CTNNA2: variants seen among roughly 807,000 people sequenced by gnomAD.
CTNNA2 encodes the protein catenin alpha-2.
In CTNNA2, 42 loss-of-function variants were observed where a neutral mutation model predicts 101.0. The observed-to-expected ratio is 0.42, with a 90% CI of 0.32 to 0.54. CTNNA2 has a LOEUF of 0.54. Among genes scored for constraint, CTNNA2 ranks in the 20% least tolerant of loss-of-function variants. The pLI is 0.14. For missense variants in CTNNA2, 871 were observed against 1,223.1 expected (o/e 0.71, Z 4.29); for synonymous variants, 450 against 456.4 (o/e 0.99, Z 0.18).
chr2:79,683,515 G>T (rs573026354), intron 2 of CTNNA2, among the ~76,000 whole-genome samples: 40 of 152,304 alleles, frequency 2.6e-4, no homozygotes, highest in Admixed American at 2.0e-3. Flanking sequence ...TGTTGAGTAT[G>T]ACTGTTCTCC....
At chr2:80,184,574 A>T (rs1353966406) in intron 7 of CTNNA2, among the ~76,000 whole-genome samples, 1 of 152,112 alleles carries the variant, frequency 6.6e-6, no homozygotes, top group East Asian at 1.9e-4. Flanking sequence ...CAAGACTTAA[A>T]CTGGTCTGAA....
intron 3 of CTNNA2, among the ~76,000 whole-genome samples, chr2:79,745,469 A>C (rs1330455604): frequency 1.3e-5 from 2 of 152,048 alleles, no homozygotes; most frequent in African/African-American, 4.8e-5. Flanking sequence ...AAAAGTCTTA[A>C]CTACTTGTAA....
At chr2:80,584,023 T>G (rs569378167) in intron 14 of CTNNA2, among the ~76,000 whole-genome samples, 65 of 152,284 alleles carry the variant, frequency 4.3e-4, no homozygotes, top group Admixed American at 2.2e-3. Flanking sequence ...TATTTTAGCC[T>G]GTAATTATAT....
chr2:79,887,792 T>TTCA (rs1169244132), intron 6 of CTNNA2, among the ~76,000 whole-genome samples: 1 of 152,204 alleles, frequency 6.6e-6, no homozygotes, highest in African/African-American at 2.4e-5. Context: ...TCCTCACCTG[T>TTCA]TCATCGTATC....
At position 79,848,436 on chromosome 2, in the gene CTNNA2, TGC is replaced by T. The variant is rs1425450853; in HGVS notation, c.299-9576_299-9575del. Among the ~76,000 whole-genome samples, 212 of 152,336 alleles carry T rather than the reference TGC, an allele frequency of 1.4e-3. 1 individual carries two copies. The highest frequency in any genetic ancestry group is 4.9e-3 in the African/African-American group (202 of 41,584). ...TCACCTTTTTATGGAATGTGGCTAT[TGC>T]TACATTTAACAGGTCTTTGCAAGGT... is the stretch of plus-strand genomic sequence containing the variant. On this transcript the variant is annotated intron_variant, in intron 3 of 18. Transcript: ENST00000402739.
chr2:80,604,739 G>T (rs971298955), intron 16 of CTNNA2, among the ~76,000 whole-genome samples: 5 of 151,938 alleles, frequency 3.3e-5, no homozygotes, highest in Non-Finnish European at 7.4e-5. Context: ...CTGCCTTGTG[G>T]TCAGGGAACT....
intron 4 of CTNNA2, among the ~76,000 whole-genome samples, chr2:79,456,204 A>G (rs1358152173): frequency 2.0e-5 from 3 of 151,306 alleles, no homozygotes; most frequent in African/African-American, 4.8e-5. Flanking sequence ...ACGTCTTTAC[A>G]TTATTTTAAA....
intron 7 of CTNNA2, among the ~76,000 whole-genome samples, chr2:80,098,152 C>G (rs1700283027): frequency 6.6e-6 from 1 of 152,132 alleles, no homozygotes; most frequent in African/African-American, 2.4e-5. Context: ...TACCTTTGGT[C>G]TTTGATGATG....
At chr2:79,563,161 G>GTGTATATATATATA (rs1280707294) in intron 1 of CTNNA2, among the ~76,000 whole-genome samples, 1 of 78,620 alleles carries the variant, frequency 1.3e-5, no homozygotes, top group South Asian at 5.0e-4. Flanking sequence ...ATAAAGATGT[G>GTGTATATATATATA]TATATATATA....
At position 80,537,748 on chromosome 2, in the gene CTNNA2, C is replaced by G. The variant is rs187074420; in HGVS notation, c.1291-7234C>G. ...AGCTGGGATTACAGGCATGTGCCAC[C>G]ACACCTGGCTAATTTAGTATTTTTA... On this transcript the variant is annotated intron_variant, in intron 9 of 18. Coordinates refer to ENST00000402739, the MANE Select transcript of CTNNA2 (RefSeq NM_001282597.3). Among the ~76,000 whole-genome samples the G allele has an allele frequency of 1.8e-3, 268 of 152,180 alleles. 1 individual carries two copies. Among genetic ancestry groups the G allele is most frequent in the Middle Eastern group, 0.014 (4 of 294 alleles).
chr2:80,366,703 G>A (rs9789515), intron 7 of CTNNA2, among the ~76,000 whole-genome samples: 19,690 of 152,100 alleles, frequency 0.13, 2,610 homozygotes, highest in African/African-American at 0.34. Flanking sequence ...GTTGCAGTGT[G>A]TCAAATCCCT....
At chr2:80,399,827 TTTC>T (rs1357878836) in intron 8 of CTNNA2, among the ~76,000 whole-genome samples, 3 of 152,194 alleles carry the variant, frequency 2.0e-5, no homozygotes, top group African/African-American at 7.2e-5. Flanking sequence ...CCATCACATT[TTTC>T]AGCATGAAAT....
chr2:79,593,545 C>A (rs927385188), intron 1 of CTNNA2, among the ~76,000 whole-genome samples: 1 of 152,138 alleles, frequency 6.6e-6, no homozygotes, highest in East Asian at 1.9e-4. Context: ...AGAGAAACAG[C>A]CTGCCTTCCA....
intron 2 of CTNNA2, among the ~76,000 whole-genome samples, chr2:79,311,253 C>CA (rs1260826305): frequency 6.6e-6 from 1 of 151,728 alleles, no homozygotes. Context: ...ACTAAAAATA[C>CA]AAAAAATTAG....
chr2:80,521,430 T>A (rs1039708868), intron 9 of CTNNA2, among the ~76,000 whole-genome samples: 1 of 152,152 alleles, frequency 6.6e-6, no homozygotes, highest in Non-Finnish European at 1.5e-5. Context: ...AACCCATGAA[T>A]ATGTTACTTC....
chr2:80,364,556 A>ATTTTTTTTTTTTTTTTTTTTTTTTTTT (rs57073635), intron 7 of CTNNA2, among the ~76,000 whole-genome samples: 1 of 123,516 alleles, frequency 8.1e-6, no homozygotes, highest in Non-Finnish European at 1.7e-5. Context: ...AGAGAAAGTA[A>ATTTTTTTTTTTTTTTTTTTTTTTTTTT]TTTTTTTTTT....
intron 7 of CTNNA2, among the ~76,000 whole-genome samples, chr2:80,346,506 AC>A (rs1284271534): frequency 6.6e-6 from 1 of 152,182 alleles, no homozygotes; most frequent in Admixed American, 6.5e-5. Flanking sequence ...CACCAGGTCC[AC>A]CCTCCAACAT....
At chr2:80,094,934 T>C (rs1700049683) in intron 7 of CTNNA2, among the ~76,000 whole-genome samples, 2 of 152,218 alleles carry the variant, frequency 1.3e-5, no homozygotes, top group Non-Finnish European at 2.9e-5. Flanking sequence ...AGATATACAA[T>C]CATGTCATCT....
intron 1 of CTNNA2, among the ~76,000 whole-genome samples, chr2:79,585,309 C>G (rs1676411545): frequency 6.6e-6 from 1 of 151,640 alleles, no homozygotes; most frequent in Non-Finnish European, 1.5e-5. Context: ...ATAATTCTGC[C>G]TTTTCTTTTC....
Sources: allele counts gnomAD v4.1 joint callset (sites outside exome capture counted in the v4.1 genomes callset), GRCh38; gene constraint gnomAD v4.1.1; transcripts MANE v1.5; gene names NCBI Gene and HGNC (gene_info 2026-07-23, HGNC 2026-07-21).